FMN2: variants seen among roughly 807,000 people sequenced by gnomAD.
The protein encoded by FMN2 is formin 2, also known as formin-2.
A neutral mutation model predicts 142.3 loss-of-function variants in FMN2; 51 were observed. The ratio of observed to expected loss-of-function variants is 0.36; its 90% CI spans 0.29 to 0.45. FMN2 has a LOEUF of 0.45. Among genes scored for constraint, FMN2 ranks in the 20% least tolerant of loss-of-function variants. The pLI is 1.00. For missense variants in FMN2, 1,936 were observed against 2,122.8 expected, an observed-to-expected ratio of 0.91 and a Z score of 1.73; for synonymous variants, 882 against 869.8, an observed-to-expected ratio of 1.01 and a Z score of -0.25.
At chr1:240,265,575 C>T (rs569390101) in intron 7 of FMN2, among the ~76,000 whole-genome samples, 70 of 152,242 alleles carry the variant, frequency 4.6e-4, no homozygotes, top group African/African-American at 1.6e-3. Flanking sequence ...TCTTAGACTT[C>T]CCAGCTTTCA....
chr1:240,383,124 A>G (rs1673286374), intron 14 of FMN2, among the ~76,000 whole-genome samples: 1 of 152,200 alleles, frequency 6.6e-6, no homozygotes, highest in Non-Finnish European at 1.5e-5. Context: ...AAAATGGGCT[A>G]AAGACTTAAA....
intron 7 of FMN2, among the ~76,000 whole-genome samples, chr1:240,275,447 C>A (rs929189174): frequency 6.6e-6 from 1 of 152,080 alleles, no homozygotes; most frequent in African/African-American, 2.4e-5. Flanking sequence ...GCATAGTATT[C>A]CATGGTGTAT....
At chr1:240,147,241 T>C (rs1663526051) in intron 2 of FMN2, among the ~76,000 whole-genome samples, 1 of 152,210 alleles carries the variant, frequency 6.6e-6, no homozygotes, top group Non-Finnish European at 1.5e-5. Context: ...AACTGAGACT[T>C]AGGGTAATTT....
intron 6 of FMN2, among the ~76,000 whole-genome samples, chr1:240,253,225 T>G (rs529955970): frequency 6.6e-6 from 1 of 152,170 alleles, no homozygotes; most frequent in African/African-American, 2.4e-5. Flanking sequence ...TGCCTCAGCC[T>G]CCCAAAGTGC....
chr1:240,452,417 C>T (rs1016437405), intron 16 of FMN2, among the ~76,000 whole-genome samples: 1 of 152,058 alleles, frequency 6.6e-6, no homozygotes, highest in African/African-American at 2.4e-5. Flanking sequence ...AAAGTACTAA[C>T]TCTTTAATCT....
At chr1:240,294,476 G>A (rs1669899676) in intron 7 of FMN2, among the ~76,000 whole-genome samples, 1 of 152,262 alleles carries the variant, frequency 6.6e-6, no homozygotes, top group East Asian at 1.9e-4. Context: ...TATAAAACTG[G>A]GATGTAGCAT....
chr1:240,318,640 G>A (rs896142428), intron 8 of FMN2, among the ~76,000 whole-genome samples: 3 of 152,164 alleles, frequency 2.0e-5, no homozygotes, highest in African/African-American at 7.2e-5. Context: ...TTGTTAATCA[G>A]TAAAAAGTTT....
At chr1:240,213,048 T>G (rs551462788) in intron 6 of FMN2, among the ~76,000 whole-genome samples, 1 of 152,314 alleles carries the variant, frequency 6.6e-6, no homozygotes, top group East Asian at 1.9e-4. Flanking sequence ...ATTCTCTGTT[T>G]GACATAGTAT....
At chr1:240,417,846 T>A (rs1364510092) in intron 15 of FMN2, among the ~76,000 whole-genome samples, 3 of 152,212 alleles carry the variant, frequency 2.0e-5, no homozygotes, top group African/African-American at 2.4e-5. Flanking sequence ...AATCTTCTGC[T>A]ATAATTGTGA....
intron 8 of FMN2, among the ~76,000 whole-genome samples, chr1:240,313,606 T>C (rs1670666124): frequency 6.6e-6 from 1 of 152,138 alleles, no homozygotes; most frequent in African/African-American, 2.4e-5. Context: ...GTTTTATTCC[T>C]GGACAGCTCT....
intron 2 of FMN2, among the ~76,000 whole-genome samples, chr1:240,145,618 T>G (rs1031479994): frequency 1.4e-5 from 2 of 142,080 alleles, no homozygotes; most frequent in African/African-American, 5.2e-5. Context: ...TATATGACAC[T>G]GCAGCTTCAG....
intron 15 of FMN2, among the ~76,000 whole-genome samples, chr1:240,418,200 G>GT (rs1340569833): frequency 1.4e-5 from 2 of 146,190 alleles, no homozygotes; most frequent in African/African-American, 5.0e-5. Context: ...TATTTATTAT[G>GT]ATTTTTTTTT....
At chr1:240,442,323 A>C (rs17682283) in intron 16 of FMN2, among the ~76,000 whole-genome samples, 55,591 of 151,994 alleles carry the variant, frequency 0.37, 10,386 homozygotes, top group Non-Finnish European at 0.41. Flanking sequence ...GGAACTCCAA[A>C]TGAATTGTGT....
At chr1:240,144,365 T>A in intron 2 of FMN2, 2 of 1,606,974 alleles carry the variant, frequency 1.2e-6, no homozygotes, top group Non-Finnish European at 1.7e-6. Flanking sequence ...CTCCATGATG[T>A]CCAGCTCCCG....
At chr1:240,299,000 G>T (rs1280366415) in intron 8 of FMN2, among the ~76,000 whole-genome samples, 3 of 151,680 alleles carry the variant, frequency 2.0e-5, no homozygotes, top group African/African-American at 4.9e-5. Context: ...ACCCAAGCTG[G>T]AGTGCAGTGG....
intron 6 of FMN2, among the ~76,000 whole-genome samples, chr1:240,252,953 C>CTTTTTTATTTT (rs1668326983): frequency 1.5e-5 from 1 of 65,346 alleles, no homozygotes; most frequent in South Asian, 5.9e-4. Context: ...GTCTTGTTCA[C>CTTTTTTATTTT]TTTTTTTTTT....
chr1:240,346,688 T>G (rs1671919658), intron 13 of FMN2, among the ~76,000 whole-genome samples: 1 of 152,174 alleles, frequency 6.6e-6, no homozygotes, highest in Non-Finnish European at 1.5e-5. Flanking sequence ...TAGTACTTCT[T>G]TAATAATCGT....
chr1:240,382,176 G>T lies in FMN2; in HGVS notation c.4859-10335G>T. ...AAAAATAAATATCATTTCTGTACAC[G>T]ATTAACATTCAAACTGAGACCAAAT... On this transcript the variant is annotated intron_variant, in intron 14 of 17. Transcript: ENST00000319653. 2.0e-5 allele frequency among the ~76,000 whole-genome samples: 3 copies of T among 152,178 alleles called. 1 individual carries two copies. In the Middle Eastern group the frequency reaches 0.01, roughly 518 times the overall value.
At chr1:240,446,730 T>C (rs1464451534) in intron 16 of FMN2, among the ~76,000 whole-genome samples, 1 of 152,172 alleles carries the variant, frequency 6.6e-6, no homozygotes, top group Non-Finnish European at 1.5e-5. Context: ...AATTGTTAGG[T>C]TTGCGTGGAC....
Sources: allele counts gnomAD v4.1 joint callset (sites outside exome capture counted in the v4.1 genomes callset), GRCh38; gene constraint gnomAD v4.1.1; transcripts MANE v1.5; gene names NCBI Gene and HGNC (gene_info 2026-07-23, HGNC 2026-07-21).